Variants in PTPA observed in about 807,000 individuals in gnomAD.
PTPA encodes protein phosphatase 2 phosphatase activator.
A neutral mutation model predicts 43.6 loss-of-function variants in PTPA; 13 were observed. That is an observed-to-expected ratio of 0.30 (90% confidence interval 0.19 to 0.47). PTPA has a LOEUF of 0.47. Among genes scored for constraint, PTPA ranks in the 20% least tolerant of loss-of-function variants. PTPA has a pLI of 0.99. For synonymous variants in PTPA, 172 were observed against 158.2 expected (o/e 1.09, Z -0.66); for missense variants, 329 against 411.9 (o/e 0.80, Z 1.74).
chr9:129,145,039 A>G (rs1308763091), intron 9 of PTPA, among the ~76,000 whole-genome samples: 1 of 151,132 alleles, frequency 6.6e-6, no homozygotes, highest in East Asian at 2.0e-4. Flanking sequence ...TCTCAAAGAA[A>G]AAAATCACTG....
chr9:129,138,022 G>C lies in PTPA; in HGVS notation c.786+330G>C, dbSNP rs553697345. On this transcript the variant is annotated intron_variant, in intron 8 of 9. Coordinates refer to ENST00000393370, the MANE Select transcript of PTPA (RefSeq NM_178000.3). ...GGCGGGCGGAGGTTTGTGGGGGAGG[G>C]TCAGCATCTTTCGGTGGGGCCCCAC... 14 of 367,440 alleles carry C rather than the reference G, an allele frequency of 3.8e-5. No individual in the cohort carries two copies. The East Asian group carries it at 8.4e-4, about 22-fold the overall frequency. The allele number at this position is 367,440 out of a possible 1,614,324, so 22.8% of individuals were successfully genotyped here.
chr9:129,145,521 C>A (rs184623012), intron 9 of PTPA, among the ~76,000 whole-genome samples: 1 of 152,308 alleles, frequency 6.6e-6, no homozygotes, highest in East Asian at 1.9e-4. Context: ...CAAGGCCTGC[C>A]AGTCTTGCAG....
intron 9 of PTPA, among the ~76,000 whole-genome samples, chr9:129,146,299 G>A (rs1261484062): frequency 6.6e-6 from 1 of 152,106 alleles, no homozygotes; most frequent in Non-Finnish European, 1.5e-5. Context: ...CCCACCATGA[G>A]CTTGGTTTCC....
chr9:129,131,477 G>A lies in PTPA; in HGVS notation c.343-45G>A, dbSNP rs199696820. On this transcript the variant is annotated intron_variant, in intron 4 of 9. Transcript: ENST00000393370. ...CCCCTGGGCACCTGCCCACTGGGATGCTGCTTAATATGCTGCCACCACTTT... is the reference window on the plus strand; with the variant it reads ...CCCCTGGGCACCTGCCCACTGGGATACTGCTTAATATGCTGCCACCACTTT... The A allele has an allele frequency of 3.5e-4, 546 of 1,579,798 alleles. 1 individual carries two copies. The highest frequency in any genetic ancestry group is 3.7e-4 in the Non-Finnish European group (420 of 1,150,536).
chr9:129,147,205 T>C lies in PTPA; in HGVS notation c.895-182T>C, dbSNP rs367782329. 2.5e-4 allele frequency among the ~76,000 whole-genome samples: 38 copies of C among 152,204 alleles called. No individual in the cohort carries two copies. In the East Asian group the frequency reaches 6.8e-3, roughly 27 times the overall value. The stretch of plus-strand genomic sequence containing the variant: ...TCTTTCTCTCTCTCGTGGGTCTCGT[T>C]GTGGAGTGGGTGTCTTTGGATAGAA... On this transcript the variant is annotated intron_variant, in intron 9 of 9. Coordinates refer to ENST00000393370, the MANE Select transcript of PTPA (RefSeq NM_178000.3).
chr9:129,142,578 C>A (rs17508993), intron 9 of PTPA, 26 bp downstream of exon 9: 6 of 1,613,446 alleles, frequency 3.7e-6, no homozygotes, highest in Admixed American at 1.7e-5. Context: ...CCAGTGTGCC[C>A]GTCCCTGCTG....
At chr9:129,131,663 G>C in intron 5 of PTPA, 24 bp downstream of exon 5, 1 of 1,600,730 alleles carries the variant, frequency 6.2e-7, no homozygotes, top group East Asian at 2.2e-5. Context: ...GTGGGGCTCT[G>C]TACTTATCTA....
At chr9:129,143,117 C>G in intron 9 of PTPA, 1 of 625,792 alleles carries the variant, frequency 1.6e-6, no homozygotes, top group Non-Finnish European at 2.8e-6. Context: ...CTGAGGCTTC[C>G]TGGAGCTCCC....
chr9:129,115,543 G>A lies in PTPA; in HGVS notation c.31+3912G>A, dbSNP rs181104497. Among the ~76,000 whole-genome samples, 16 of 152,248 alleles carry A rather than the reference G, an allele frequency of 1.1e-4. No homozygotes were observed. In the East Asian group the frequency reaches 3.1e-3, roughly 29 times the overall value. ...GTCCCTTTTTCTCCATGTAGCTGAT[G>A]TCAGCCAGGTTTTAGGAGGAAGGCA... On this transcript the variant is annotated intron_variant, in intron 1 of 9. Transcript: ENST00000393370.
intron 3 of PTPA, among the ~76,000 whole-genome samples, chr9:129,123,865 T>A (rs908714757): frequency 1.3e-5 from 2 of 152,116 alleles, no homozygotes; most frequent in Non-Finnish European, 2.9e-5. Context: ...TTATTTTTAG[T>A]AGAGACGGGG....
At chr9:129,113,566 C>T (rs1418205684) in intron 1 of PTPA, among the ~76,000 whole-genome samples, 3 of 151,574 alleles carry the variant, frequency 2.0e-5, no homozygotes, top group Non-Finnish European at 4.4e-5. Context: ...GTCAGGAGTT[C>T]GAGACCAGCC....
intron 2 of PTPA, 36 bp downstream of exon 2, chr9:129,120,646 T>G: frequency 1.9e-6 from 3 of 1,564,822 alleles, no homozygotes; most frequent in Non-Finnish European, 2.6e-6. Context: ...ACTTGGGCTT[T>G]TCAAAGACAG....
At chr9:129,136,751 G>A (rs566154279) in intron 7 of PTPA, among the ~76,000 whole-genome samples, 156 bp downstream of exon 7, 4 of 152,362 alleles carry the variant, frequency 2.6e-5, no homozygotes, top group Admixed American at 2.6e-4. Context: ...TATTGAGGGA[G>A]GCTGTTTACT....
intron 1 of PTPA, among the ~76,000 whole-genome samples, chr9:129,117,332 G>A (rs916491097): frequency 2.6e-5 from 4 of 151,418 alleles, no homozygotes; most frequent in African/African-American, 9.7e-5. Context: ...TAGGCGGGAG[G>A]CACTGTGCCT....
At chr9:129,132,079 CA>C (rs1850014357) in intron 5 of PTPA, among the ~76,000 whole-genome samples, 1 of 152,124 alleles carries the variant, frequency 6.6e-6, no homozygotes, top group Non-Finnish European at 1.5e-5. Flanking sequence ...GTCTCTTAGC[CA>C]CATTCTCTGT....
Position 129,147,522 on chromosome 9 carries a change from C to T in PTPA, c.*58C>T, listed in dbSNP as rs1242918210. 2.0e-6 allele frequency: 3 copies of T among 1,519,666 alleles called. No individual in the cohort carries two copies. In the African/African-American group the frequency reaches 4.1e-5, roughly 21 times the overall value. 94.1% of individuals were successfully genotyped at this position (1,519,666 alleles called of 1,614,324 possible). On this transcript the variant is annotated 3_prime_UTR_variant, in exon 10 of 10. Coordinates refer to ENST00000393370, the MANE Select transcript of PTPA (RefSeq NM_178000.3). ...AGTTCCTGTGCCTGCCTTCCCCACC[C>T]CAGCAGTGGCCCCTCCCCATCCCCT... is the stretch of plus-strand genomic sequence containing the variant.
intron 1 of PTPA, chr9:129,112,054 C>G (rs532368387): frequency 5.8e-6 from 1 of 173,242 alleles, no homozygotes; most frequent in African/African-American, 2.4e-5. Flanking sequence ...TGGGGTGGTG[C>G]TCCGTGGGCC....
intron 1 of PTPA, among the ~76,000 whole-genome samples, 196 bp from the exon 2 acceptor site, chr9:129,120,317 A>G (rs931949020): frequency 6.6e-6 from 1 of 151,598 alleles, no homozygotes; most frequent in Non-Finnish European, 1.5e-5. Context: ...TCAGCTACTC[A>G]GGAGACTGAG....
In PTPA at chr9:129,116,498, T is replaced by G. The variant is rs1276041583; in HGVS notation, c.32-4015T>G. Reference sequence around the variant, plus strand: ...GAGTTCCATGTTCTCGCCATTCTCCTGCCTCAGCCTCCCAAGTAGCTGGGA... The same window carrying G: ...GAGTTCCATGTTCTCGCCATTCTCCGGCCTCAGCCTCCCAAGTAGCTGGGA... On this transcript the variant is annotated intron_variant, in intron 1 of 9. Coordinates refer to ENST00000393370, the MANE Select transcript of PTPA (RefSeq NM_178000.3). 2.7e-5 allele frequency among the ~76,000 whole-genome samples: 4 copies of G among 150,552 alleles called. No individual in the cohort carries two copies. In the East Asian group the frequency reaches 7.9e-4, roughly 30 times the overall value.
Sources: allele counts gnomAD v4.1 joint callset (sites outside exome capture counted in the v4.1 genomes callset), GRCh38; gene constraint gnomAD v4.1.1; transcripts MANE v1.5; gene names NCBI Gene and HGNC (gene_info 2026-07-23, HGNC 2026-07-21).